The following NRG1 variants were observed in gnomAD, a reference collection of about 807,000 sequenced individuals.
The protein encoded by NRG1 is pro-neuregulin-1, membrane-bound isoform.
NRG1 carries 18 observed loss-of-function variants against 63.8 expected under a neutral mutation model. The observed-to-expected ratio is 0.28, with a 90% CI of 0.19 to 0.42. The LOEUF is 0.42. NRG1 is among the 10% of genes least tolerant of loss of function. The pLI, the probability that NRG1 is intolerant of heterozygous loss-of-function variation, is 1.00. For synonymous variants in NRG1, 302 were observed against 301.3 expected, an observed-to-expected ratio of 1.00 and a Z score of -0.02; for missense variants, 762 against 814.7, an observed-to-expected ratio of 0.94 and a Z score of 0.79.
At chr8:32,394,756 C>G (rs1812226772) in intron 1 of NRG1, among the ~76,000 whole-genome samples, 1 of 152,236 alleles carries the variant, frequency 6.6e-6, no homozygotes, top group South Asian at 2.1e-4. Flanking sequence ...TTCAGTTTGG[C>G]CTTCAAGTGA....
Position 32,742,069 on chromosome 8 carries a change from C to A in NRG1, c.633-606C>A, listed in dbSNP as rs1826444488. 6.2e-7 allele frequency: 1 copy of A among 1,612,998 alleles called. No homozygotes were observed. Among genetic ancestry groups the A allele is most frequent in the Admixed American group, 1.7e-5 (1 of 59,934 alleles). ...GAATGTGCCCATGAAAGTCCAAAAC[C>A]AAGAAAGTATGTCAAAATAATCTGA... On this transcript the variant is annotated intron_variant, in intron 6 of 11. Transcript: ENST00000356819. This position sits in a 1 kb window ranked among gnomAD's most constrained non-coding sequence, Gnocchi z 4.2.
At chr8:32,092,581 G>A (rs754361955) in intron 1 of NRG1, among the ~76,000 whole-genome samples, 11 of 152,102 alleles carry the variant, frequency 7.2e-5, no homozygotes, top group African/African-American at 1.2e-4. Flanking sequence ...AGAGCTGCGG[G>A]AGCTCCGGGC....
At chr8:32,729,518 C>A (rs1264653373) in intron 6 of NRG1, among the ~76,000 whole-genome samples, 2 of 152,148 alleles carry the variant, frequency 1.3e-5, no homozygotes, top group Non-Finnish European at 2.9e-5. Context: ...GTCACAAAAA[C>A]TGTTTTCTGC....
exon 12 of NRG1, chr8:32,767,947 T>A (rs984491993): frequency 5.3e-5 from 8 of 152,234 alleles, no homozygotes; most frequent in Non-Finnish European, 1.0e-4. Context: ...ATAAAAATGC[T>A]ACTCTGTGGA....
intron 1 of NRG1, among the ~76,000 whole-genome samples, chr8:32,054,290 A>T (rs1248797504): frequency 1.3e-4 from 20 of 152,214 alleles, no homozygotes; most frequent in Admixed American, 1.3e-3. Flanking sequence ...AGAGCACATC[A>T]CGTGACTCTG....
intron 1 of NRG1, among the ~76,000 whole-genome samples, chr8:31,730,743 G>A (rs762922053): frequency 1.3e-5 from 2 of 151,894 alleles, no homozygotes; most frequent in Non-Finnish European, 2.9e-5. Context: ...ATAAAAATAC[G>A]AAGTACTTAG....
intron 1 of NRG1, among the ~76,000 whole-genome samples, chr8:32,367,578 G>C (rs1267676217): frequency 2.0e-5 from 3 of 152,030 alleles, no homozygotes; most frequent in Admixed American, 6.6e-5. Context: ...TCAAACTATA[G>C]TCCTTTGTCA....
chr8:32,548,417 T>C, exon 1 of NRG1: 1 of 1,107,998 alleles, frequency 9.0e-7, no homozygotes, highest in Non-Finnish European at 1.1e-6. Flanking sequence ...CCCGATCGGG[T>C]TGCGAGGGCG....
rs144317883 is a variant in NRG1 at position 31,650,026 on chromosome 8, G to A, written c.37+10595G>A. Among the ~76,000 whole-genome samples the A allele has an allele frequency of 2.7e-3, 418 of 152,010 alleles. 2 individuals carry two copies. The highest frequency in any genetic ancestry group is 0.012 in the East Asian group (61 of 5,160). ...CAGGGTCTTGCTCTGTCATCCAGGC[G>A]GGAGTGCAGTGGGACGATCTTGGCT... On this transcript the variant is annotated intron_variant, in intron 1 of 10. Transcript: ENST00000519301.
At chr8:31,903,323 G>C (rs1472119031) in intron 1 of NRG1, among the ~76,000 whole-genome samples, 1 of 151,446 alleles carries the variant, frequency 6.6e-6, no homozygotes, top group Non-Finnish European at 1.5e-5. Flanking sequence ...TATTTTTTTT[G>C]TATTTTTAGT....
At chr8:32,224,270 T>G (rs188751661) in intron 1 of NRG1, among the ~76,000 whole-genome samples, 1 of 152,082 alleles carries the variant, frequency 6.6e-6, no homozygotes, top group East Asian at 1.9e-4. Context: ...CAGGTGGGGT[T>G]TGGTCGATCG....
chr8:32,350,733 T>C (rs1255928403), intron 1 of NRG1, among the ~76,000 whole-genome samples: 1 of 151,968 alleles, frequency 6.6e-6, no homozygotes, highest in Non-Finnish European at 1.5e-5. Flanking sequence ...TATAATAAAA[T>C]AACTAATATA....
intron 1 of NRG1, among the ~76,000 whole-genome samples, chr8:32,120,571 A>G (rs1248493478): frequency 6.6e-6 from 1 of 152,066 alleles, no homozygotes; most frequent in African/African-American, 2.4e-5. Context: ...TTCTTTCTTC[A>G]AATGTTAAAA....
At chr8:32,600,620 ATTAAT>A (rs1844177339) in intron 2 of NRG1, among the ~76,000 whole-genome samples, 2 of 152,252 alleles carry the variant, frequency 1.3e-5, no homozygotes, top group East Asian at 3.9e-4. Flanking sequence ...ATCACTTCAC[ATTAAT>A]TTATTTTTAC....
intron 1 of NRG1, among the ~76,000 whole-genome samples, chr8:32,291,573 GT>G (rs142116385): frequency 0.061 from 7,328 of 120,566 alleles, 241 homozygotes; most frequent in Middle Eastern, 0.083. Context: ...GAGTCTCGCT[GT>G]GTTGCCCATG....
intron 1 of NRG1, among the ~76,000 whole-genome samples, chr8:32,133,668 T>TC (rs1835142776): frequency 6.6e-6 from 1 of 152,188 alleles, no homozygotes; most frequent in East Asian, 1.9e-4. Context: ...ACTAGATTTA[T>TC]GAAAAGGCCC....
chr8:31,892,343 T>G (rs946881255), intron 1 of NRG1, among the ~76,000 whole-genome samples: 2 of 152,092 alleles, frequency 1.3e-5, no homozygotes, highest in African/African-American at 4.8e-5. Context: ...TCCCTTTCAG[T>G]TTTTGTTTCA....
chr8:31,761,665 A>G (rs1344795922), intron 1 of NRG1, among the ~76,000 whole-genome samples: 1 of 152,130 alleles, frequency 6.6e-6, no homozygotes, highest in African/African-American at 2.4e-5. Context: ...TGTTAAGTTG[A>G]CCATCTTGCG....
At chr8:31,916,435 A>G (rs1833394824) in intron 1 of NRG1, among the ~76,000 whole-genome samples, 1 of 152,010 alleles carries the variant, frequency 6.6e-6, no homozygotes, top group Admixed American at 6.6e-5. Context: ...ATTCCCACCT[A>G]TGAGTGAGAA....
Sources: allele counts gnomAD v4.1 joint callset (sites outside exome capture counted in the v4.1 genomes callset), GRCh38; gene constraint gnomAD v4.1.1; non-coding constraint Gnocchi (gnomAD v3.1); transcripts MANE v1.5; gene names NCBI Gene and HGNC (gene_info 2026-07-23, HGNC 2026-07-21).